Variants in PRDM14 observed in about 807,000 individuals in gnomAD.
PRDM14 encodes the protein PR/SET domain 14.
PRDM14 carries 16 observed loss-of-function variants against 48.0 expected under a neutral mutation model. The ratio of observed to expected loss-of-function variants is 0.33; its 90% CI spans 0.23 to 0.51. PRDM14 has a LOEUF of 0.51. Ranked by LOEUF, PRDM14 falls within the 20% of genes least tolerant of loss-of-function variation. The pLI is 0.97. For synonymous variants in PRDM14, 264 were observed against 276.6 expected (o/e 0.95, Z 0.45); for missense variants, 566 against 719.6 (o/e 0.79, Z 2.44).
intron 5 of PRDM14, among the ~76,000 whole-genome samples, chr8:70,064,269 A>AT (rs1563441382): frequency 2.6e-5 from 4 of 151,408 alleles, no homozygotes; most frequent in Admixed American, 1.3e-4. Context: ...CTTATTATTT[A>AT]CCCCCTAATT....
At chr8:70,068,570 ATGCATTATAAAG>A (rs1563442983) in intron 2 of PRDM14, 38 bp from the exon 3 acceptor site, 2 of 1,585,190 alleles carry the variant, frequency 1.3e-6, no homozygotes, top group African/African-American at 2.7e-5. Flanking sequence ...TTCATTAAAA[ATGCATTATAAAG>A]TGCTTTTATG....
At chr8:70,068,173 C>A (rs1161947762) in intron 4 of PRDM14, 57 bp downstream of exon 4, 1 of 1,599,334 alleles carries the variant, frequency 6.3e-7, no homozygotes, top group Non-Finnish European at 8.6e-7. Flanking sequence ...GCCAAGATTT[C>A]CCCGGACTAG....
intron 5 of PRDM14, among the ~76,000 whole-genome samples, chr8:70,063,063 A>C (rs1275718823): frequency 6.6e-6 from 1 of 152,184 alleles, no homozygotes; most frequent in Non-Finnish European, 1.5e-5. Context: ...ATTTCTCGAT[A>C]ATAGATTTCC....
chr8:70,067,200 T>A (rs1003258644), intron 4 of PRDM14, among the ~76,000 whole-genome samples: 2 of 152,184 alleles, frequency 1.3e-5, no homozygotes, highest in African/African-American at 4.8e-5. Context: ...CCAGTTAGGT[T>A]TCATGCATAT....
rs534142514 is a variant in PRDM14 at position 70,066,734 on chromosome 8, G to GT, written c.913-230dup. On this transcript the variant is annotated intron_variant, in intron 4 of 7. Transcript: ENST00000276594. ...GTAATGTCACATATTGGGTTTGTTT[G>GT]TTTTTTTCAGAGACAGAGTCTCACT... Among the ~76,000 whole-genome samples the GT allele has an allele frequency of 2.6e-4, 39 of 152,010 alleles. No individual in the cohort carries two copies. The South Asian group carries it at 4.4e-3, about 17-fold the overall frequency.
intron 6 of PRDM14, among the ~76,000 whole-genome samples, chr8:70,057,308 G>C (rs1295015971): frequency 1.4e-5 from 2 of 148,030 alleles, no homozygotes; most frequent in Non-Finnish European, 3.0e-5. Context: ...TCTGTAATTT[G>C]GTTTTTGCTT....
At chr8:70,057,579 A>G (rs1585648648) in intron 6 of PRDM14, among the ~76,000 whole-genome samples, 1 of 151,952 alleles carries the variant, frequency 6.6e-6, no homozygotes, top group South Asian at 2.1e-4. Context: ...TGATCTGCCC[A>G]CCTCAGCCTC....
At position 70,058,637 on chromosome 8, in the gene PRDM14, C is replaced by T; in HGVS notation, c.1386+3G>A. ...GTGGGTCATGTGTCCTCCTAATACT[C>T]ACCTTGTGAGGCCGGTGCTTCTCAT... On this transcript the variant is annotated splice_donor_region_variant and intron_variant, in intron 6 of 7. Transcript: ENST00000276594. The T allele has an allele frequency of 6.2e-7, 1 of 1,612,852 alleles. No homozygotes were observed. Among genetic ancestry groups the T allele is most frequent in the East Asian group, 2.2e-5 (1 of 44,860 alleles).
At position 70,069,749 on chromosome 8, in the gene PRDM14, G is replaced by C; in HGVS notation, c.112C>G (p.His38Asp). 6.2e-7 allele frequency: 1 copy of C among 1,606,108 alleles called. No individual in the cohort carries two copies. Among genetic ancestry groups the C allele is most frequent in the East Asian group, 2.2e-5 (1 of 44,736 alleles). Residue 38 changes from histidine to aspartate, a missense_variant, in exon 2 of 8, where the codon CAC (histidine) becomes GAC (aspartate). This residue lies in a region of PRDM14 where 410 missense variants were observed against 424.6 expected (regional missense o/e 0.97). Transcript: ENST00000276594. ...ACGGTGGCCAGGCTGTTTCTGTAGTGTCCATAGGACGGGAAAGGCGTGTAG... is the reference window on the plus strand; with the variant it reads ...ACGGTGGCCAGGCTGTTTCTGTAGTCTCCATAGGACGGGAAAGGCGTGTAG... ...AYYTPFPSYG[H>D]YRNSLATVEE...
rs1391072347 is a variant in PRDM14, at chr8:70,071,035, C to G, written c.-25+115G>C. 1 of 152,374 alleles carries G rather than the reference C, an allele frequency of 6.6e-6. No homozygotes were observed. The highest frequency in any genetic ancestry group is 1.5e-5 in the Non-Finnish European group (1 of 68,172). The allele number at this position is 152,374 out of a possible 1,614,324, so 9.4% of individuals were successfully genotyped here. Reference sequence around the variant, plus strand: ...TCTGCAACTTGGGATTCAAAGCCCCCGAGAGGGCAGAACGACCATCCAAAA... The same window carrying G: ...TCTGCAACTTGGGATTCAAAGCCCCGGAGAGGGCAGAACGACCATCCAAAA... On this transcript the variant is annotated intron_variant, in intron 1 of 7. Transcript: ENST00000276594. The surrounding 1 kb of genome is among the most constrained non-coding windows in gnomAD (Gnocchi z 5.2).
chr8:70,057,124 C>A (rs766333819), intron 6 of PRDM14, among the ~76,000 whole-genome samples: 76 of 152,000 alleles, frequency 5.0e-4, no homozygotes, highest in Non-Finnish European at 9.7e-4. Flanking sequence ...CACCACCACG[C>A]CTGGCTAATT....
chr8:70,052,272 G>A lies in PRDM14; in HGVS notation c.1521C>T (p.His507=). The part of the protein sequence containing the change: ...RFTASSILRT[H]IRQHSGEKPF... Reference sequence around the variant, plus strand: ...GCTTCTCCCCGGAGTGCTGCCTGATGTGTGTGCGGAGTATGCTGGAGGCTG... The same window carrying A: ...GCTTCTCCCCGGAGTGCTGCCTGATATGTGTGCGGAGTATGCTGGAGGCTG... The change falls in exon 8 of 8, where the codon CAC becomes CAT. Residue 507 remains histidine (H), a synonymous_variant. Transcript: ENST00000276594. The A allele has an allele frequency of 6.2e-7, 1 of 1,614,148 alleles. No individual in the cohort carries two copies. The highest frequency in any genetic ancestry group is 8.5e-7 in the Non-Finnish European group (1 of 1,180,014).
At chr8:70,064,338 C>G (rs576011541) in intron 5 of PRDM14, among the ~76,000 whole-genome samples, 42 of 152,158 alleles carry the variant, frequency 2.8e-4, no homozygotes, top group African/African-American at 8.9e-4. Flanking sequence ...CCTTCCCTCT[C>G]TCCCTCTTAC....
At chr8:70,055,491 C>A (rs1805457369) in intron 6 of PRDM14, 90 bp from the exon 7 acceptor site, 2 of 698,816 alleles carry the variant, frequency 2.9e-6, no homozygotes, top group Non-Finnish European at 4.9e-6. Context: ...TAGAGAAGAA[C>A]TCTTTTCCAA....
intron 6 of PRDM14, among the ~76,000 whole-genome samples, chr8:70,056,275 G>A (rs1288716578): frequency 2.6e-5 from 4 of 152,214 alleles, no homozygotes; most frequent in Non-Finnish European, 4.4e-5. Flanking sequence ...ACCAGGTGAA[G>A]TAAACTACCA....
At chr8:70,060,161 G>A (rs990439245) in intron 5 of PRDM14, among the ~76,000 whole-genome samples, 8 of 151,728 alleles carry the variant, frequency 5.3e-5, no homozygotes, top group African/African-American at 1.9e-4. Flanking sequence ...AACACTCTGG[G>A]AAGCTGAAGT....
At chr8:70,067,482 C>A (rs1805687658) in intron 4 of PRDM14, among the ~76,000 whole-genome samples, 1 of 149,232 alleles carries the variant, frequency 6.7e-6, no homozygotes, top group Admixed American at 6.7e-5. Flanking sequence ...CACGCCACTG[C>A]ACTCCAACCT....
chr8:70,069,907 G>A (rs1054438362), intron 1 of PRDM14, 23 bp from the exon 2 acceptor site: 5 of 1,440,386 alleles, frequency 3.5e-6, no homozygotes, highest in South Asian at 1.4e-5. Flanking sequence ...GGGCGCCGCT[G>A]AGGACACCGC....
intron 5 of PRDM14, among the ~76,000 whole-genome samples, chr8:70,061,153 C>T (rs1231922532): frequency 2.0e-5 from 3 of 152,066 alleles, no homozygotes; most frequent in Non-Finnish European, 4.4e-5. Context: ...AAAGCAGGTC[C>T]CACGTCCAGG....
Sources: allele counts gnomAD v4.1 joint callset (sites outside exome capture counted in the v4.1 genomes callset), GRCh38; gene constraint gnomAD v4.1.1; regional missense constraint gnomAD v4.1.1; non-coding constraint Gnocchi (gnomAD v3.1); transcripts MANE v1.5; gene names NCBI Gene and HGNC (gene_info 2026-07-23, HGNC 2026-07-21).